Variants in SETD4 observed in about 807,000 individuals in gnomAD.
The protein encoded by SETD4 is SET domain containing 4.
A neutral mutation model predicts 58.3 loss-of-function variants in SETD4; 46 were observed. The ratio of observed to expected loss-of-function variants is 0.79; its 90% confidence interval spans 0.62 to 1.01. The LOEUF (loss-of-function observed/expected upper bound fraction) is 1.01, where lower values mean the gene tolerates loss of function less well. SETD4 is among the 50% of genes least tolerant of loss of function. The probability of loss-of-function intolerance (pLI) is 0.00; values close to 1 mark genes in which losing one functional copy is unlikely to be tolerated. For synonymous variants in SETD4, 190 were observed against 202.6 expected (o/e 0.94, Z 0.53); for missense variants, 490 against 523.3 (o/e 0.94, Z 0.62).
At position 36,040,671 on chromosome 21, in the gene SETD4, AAAT is replaced by A. The variant is rs1394972344; in HGVS notation, c.984-19_984-17del. On this transcript the variant is annotated splice_polypyrimidine_tract_variant and intron_variant, in intron 8 of 11. Transcript: ENST00000332131. ...TGTCAAATTTCTGAAGTAGAAAAAC[AAAT>A]AATGACAAATCCATCATTTCAGTAT... 1.3e-6 allele frequency: 2 copies of A among 1,599,184 alleles called. No homozygotes were observed. Among genetic ancestry groups the A allele is most frequent in the African/African-American group, 1.3e-5 (1 of 74,638 alleles).
chr21:36,050,582 G>A, intron 4 of SETD4: 1 of 1,613,866 alleles, frequency 6.2e-7, no homozygotes, highest in Non-Finnish European at 8.5e-7. Flanking sequence ...TTCAAGAGTT[G>A]GCTGGCCATG....
At chr21:36,058,591 G>A (rs958235483) in intron 2 of SETD4, among the ~76,000 whole-genome samples, 1 of 151,508 alleles carries the variant, frequency 6.6e-6, no homozygotes, top group African/African-American at 2.4e-5. Context: ...GCTGGCTCAC[G>A]CCTGTAGTCC....
In SETD4 at chr21:36,041,894, T is replaced by C. The variant is rs971160213; in HGVS notation, c.902-6A>G. 54 of 1,243,586 alleles carry C rather than the reference T, an allele frequency of 4.3e-5. No homozygotes were observed. The highest frequency in any genetic ancestry group is 5.1e-5 in the African/African-American group (2 of 38,902). The allele number at this position is 1,243,586 out of a possible 1,614,324, so 77.0% of individuals were successfully genotyped here. A position where few individuals can be genotyped will look rare whatever the true frequency, so the allele number is the denominator to read the frequency against. On this transcript the variant is annotated splice_polypyrimidine_tract_variant and splice_region_variant and intron_variant, in intron 7 of 11. Transcript: ENST00000332131. The stretch of plus-strand genomic sequence containing the variant: ...AAGATATTTAACAAGTATTTCTATA[T>C]TCAAAAAAAAAAATCAGACTGTTAG...
At chr21:36,048,056 A>AGAGGGAGGGAGGGAGG (rs1162900771) in intron 5 of SETD4, among the ~76,000 whole-genome samples, 4 of 104,620 alleles carry the variant, frequency 3.8e-5, no homozygotes, top group Admixed American at 1.3e-4. Flanking sequence ...AGGAAGGAAG[A>AGAGGGAGGGAGGGAGG]GAGGGAGGGA....
intron 4 of SETD4, 123 bp downstream of exon 4, chr21:36,053,460 T>C: frequency 3.2e-6 from 3 of 939,682 alleles, no homozygotes; most frequent in Non-Finnish European, 5.1e-6. Flanking sequence ...TATTCAAATA[T>C]ATCTATTAGG....
intron 9 of SETD4, 99 bp downstream of exon 9, chr21:36,040,476 G>A (rs2063994146): frequency 2.1e-6 from 2 of 934,418 alleles, no homozygotes; most frequent in Admixed American, 1.9e-5. Context: ...TTCCTCCCTG[G>A]CTGGGTATCT....
chr21:36,034,716 C>A lies in SETD4; in HGVS notation c.*1277G>T, dbSNP rs1329410614. The A allele has an allele frequency of 6.6e-6, 1 of 152,170 alleles. No homozygotes were observed. The highest frequency in any genetic ancestry group is 1.5e-5 in the Non-Finnish European group (1 of 68,028). 9.4% of individuals were successfully genotyped at this position (152,170 alleles called of 1,614,324 possible). ...GTCAGTAGTTTCCCTGGAGCCCAGC[C>A]ATGCAAATGGTTGACATGCTGCCGA... On this transcript the variant is annotated 3_prime_UTR_variant, in exon 12 of 12. Transcript: ENST00000332131.
intron 4 of SETD4, chr21:36,053,057 C>T (rs1424492406): frequency 6.5e-6 from 1 of 153,648 alleles, no homozygotes; most frequent in Non-Finnish European, 1.4e-5. Context: ...CTAACGGAAT[C>T]CTACTTAGAG....
At position 36,053,636 on chromosome 21, in the gene SETD4, CAGAA is replaced by C. The variant is rs1490065240; in HGVS notation, c.170-20_170-17del. ...CTTCCTGTACCTAGGAAAGCAAAGA[CAGAA>C]AGAGAGTAAATCCTACCATAACTTC... On this transcript the variant is annotated splice_polypyrimidine_tract_variant and intron_variant, in intron 3 of 11. Transcript: ENST00000332131. 5 of 1,613,256 alleles carry C rather than the reference CAGAA, an allele frequency of 3.1e-6. No homozygotes were observed. Among genetic ancestry groups the C allele is most frequent in the Non-Finnish European group, 4.2e-6 (5 of 1,179,578 alleles).
intron 3 of SETD4, among the ~76,000 whole-genome samples, chr21:36,054,446 G>T (rs1425015271): frequency 6.6e-6 from 1 of 152,192 alleles, no homozygotes; most frequent in Non-Finnish European, 1.5e-5. Context: ...CCAATTCATC[G>T]TTCTTCACCT....
At chr21:36,059,662 T>C in intron 1 of SETD4, 2 of 884,034 alleles carry the variant, frequency 2.3e-6, no homozygotes, top group Non-Finnish European at 2.7e-6. Flanking sequence ...CACTCCAACC[T>C]GGGCGACAGA....
At chr21:36,042,410 A>G (rs1352017167) in intron 7 of SETD4, 1 of 152,266 alleles carries the variant, frequency 6.6e-6, no homozygotes, top group Non-Finnish European at 1.5e-5. Context: ...TAACTAAAAT[A>G]TAATTTTTGC....
Position 36,051,468 on chromosome 21 carries a change from G to A in SETD4, c.207+2115C>T, listed in dbSNP as rs369048472. On this transcript the variant is annotated intron_variant, in intron 4 of 11. Transcript: ENST00000332131. ...AAACCAACTTGCAATGCTGTTCATGGAGGATGCTCAGGAAGATGAGAGAAA... is the reference window on the plus strand; with the variant it reads ...AAACCAACTTGCAATGCTGTTCATGAAGGATGCTCAGGAAGATGAGAGAAA... 2.2e-6 allele frequency: 3 copies of A among 1,380,398 alleles called. No individual in the cohort carries two copies. The African/African-American group carries it at 4.4e-5, about 20-fold the overall frequency. The allele number at this position is 1,380,398 out of a possible 1,614,324, so 85.5% of individuals were successfully genotyped here.
intron 2 of SETD4, chr21:36,057,558 C>T: frequency 2.0e-6 from 1 of 493,854 alleles, no homozygotes; most frequent in South Asian, 4.1e-5. Flanking sequence ...CATACTTATG[C>T]AACATACGAC....
At chr21:36,040,677 T>C (rs768523042) in intron 8 of SETD4, 22 bp from the exon 9 acceptor site, 26 of 1,596,882 alleles carry the variant, frequency 1.6e-5, no homozygotes, top group Middle Eastern at 1.7e-4. Flanking sequence ...AAACAAATAA[T>C]GACAAATCCA....
intron 11 of SETD4, 26 bp downstream of exon 11, chr21:36,036,059 G>A: frequency 2.5e-6 from 4 of 1,610,682 alleles, no homozygotes; most frequent in Middle Eastern, 1.7e-4. Context: ...TCAAACCTTA[G>A]TCTAAAATGT....
At chr21:36,041,943 G>A (rs757268956) in intron 7 of SETD4, 55 bp from the exon 8 acceptor site, 110 of 938,264 alleles carry the variant, frequency 1.2e-4, no homozygotes, top group Non-Finnish European at 1.7e-4. Flanking sequence ...ACAAAAGTAT[G>A]TCTCCCTTCC....
chr21:36,050,137 C>A, intron 4 of SETD4: 2 of 808,038 alleles, frequency 2.5e-6, no homozygotes, highest in South Asian at 1.5e-5. Context: ...CTATATCTGG[C>A]TGTTCATCTT....
At position 36,045,911 on chromosome 21, in the gene SETD4, A is replaced by G. The variant is rs1332481058; in HGVS notation, c.397T>C (p.Leu133=). Residue 133 remains leucine, a synonymous_variant, in exon 6 of 12, where the codon TTA becomes CTA. Coordinates refer to ENST00000332131, the MANE Select transcript of SETD4 (RefSeq NM_017438.5). Reference sequence around the variant, plus strand: ...ACAGGGCAGGTATACGCCTTGGGTAAAATCTCCAGGTAAGGCTTCCAAAGA... The same window carrying G: ...ACAGGGCAGGTATACGCCTTGGGTAGAATCTCCAGGTAAGGCTTCCAAAGA... ...RSLWKPYLEI[L]PKAYTCPVCL... The G allele has an allele frequency of 6.2e-7, 1 of 1,614,190 alleles. No individual in the cohort carries two copies. The highest frequency in any genetic ancestry group is 1.1e-5 in the South Asian group (1 of 91,086).
Sources: gnomAD v4.1 joint callset for allele counts (sites outside exome capture counted in the v4.1 genomes callset) on GRCh38, gnomAD v4.1.1 for gene constraint, MANE v1.5 for transcripts, NCBI Gene and HGNC (gene_info 2026-07-23, HGNC 2026-07-21) for gene names.